The following SREBF1 variants were observed in gnomAD, a reference collection of about 807,000 sequenced individuals.
The protein encoded by SREBF1 is sterol regulatory element-binding protein 1.
A neutral mutation model predicts 100.1 loss-of-function variants in SREBF1; 45 were observed. That is an observed-to-expected ratio of 0.45 (90% CI 0.35 to 0.58). The LOEUF is 0.58. Ranked by LOEUF, SREBF1 falls within the 20% of genes least tolerant of loss-of-function variation. The pLI, the probability that SREBF1 is intolerant of heterozygous loss-of-function variation, is 0.00. For synonymous variants in SREBF1, 657 were observed against 681.8 expected (o/e 0.96, Z 0.57); for missense variants, 1,324 against 1,539.4 (o/e 0.86, Z 2.34).
intron 1 of SREBF1, among the ~76,000 whole-genome samples, chr17:17,825,438 C>A (rs2034427110): frequency 6.6e-6 from 1 of 151,954 alleles, no homozygotes; most frequent in South Asian, 2.1e-4. Flanking sequence ...GGGGTGTGAC[C>A]TGGGAACAGA....
rs575216271 is a variant in SREBF1 at position 17,813,145 on chromosome 17, T to C, written c.3214+223A>G. On this transcript the variant is annotated intron_variant, in intron 18 of 18. Transcript: ENST00000261646. ...GAAGATGCTTGGTCTTTTTTTTTTT[T>C]TGAGACAGGGACTCTCCCTGTCACT... The C allele has an allele frequency of 4.5e-5, 27 of 602,116 alleles. No homozygotes were observed. The East Asian group carries it at 5.8e-4, about 13-fold the overall frequency. The allele number at this position is 602,116 out of a possible 1,614,324, so 37.3% of individuals were successfully genotyped here.
At chr17:17,822,666 C>A (rs527794295) in intron 1 of SREBF1, among the ~76,000 whole-genome samples, 1 of 152,392 alleles carries the variant, frequency 6.6e-6, no homozygotes, top group South Asian at 2.1e-4. Context: ...CCTGAGCTCC[C>A]AGCCCTGCCC....
intron 5 of SREBF1, 89 bp from the exon 6 acceptor site, chr17:17,818,463 A>G: frequency 1.1e-6 from 1 of 912,724 alleles, no homozygotes; most frequent in Non-Finnish European, 1.8e-6. Flanking sequence ...GGGGGTGCGG[A>G]GCTGCTTTGC....
chr17:17,815,449 C>A (rs1598114175), intron 12 of SREBF1, 120 bp from the exon 13 acceptor site: 2 of 773,878 alleles, frequency 2.6e-6, no homozygotes, highest in Non-Finnish European at 4.4e-6. Flanking sequence ...TGCCGGCATG[C>A]CCCTGGGTGC....
intron 16 of SREBF1, 68 bp downstream of exon 16, chr17:17,814,177 G>A (rs997699623): frequency 1.6e-5 from 25 of 1,522,828 alleles, no homozygotes; most frequent in Non-Finnish European, 2.1e-5. Context: ...CTGGGGGCTG[G>A]GGAGAGGAAC....
intron 1 of SREBF1, among the ~76,000 whole-genome samples, chr17:17,827,072 A>G (rs1453699432): frequency 6.6e-6 from 1 of 152,182 alleles, no homozygotes; most frequent in Non-Finnish European, 1.5e-5. Context: ...GGAGGACTGA[A>G]TGATATGAGG....
chr17:17,813,617 C>T lies in SREBF1; in HGVS notation c.3054G>A (p.Leu1018=), dbSNP rs745947295. The T allele has an allele frequency of 1.9e-6, 3 of 1,587,514 alleles. No homozygotes were observed. In the South Asian group the frequency reaches 3.4e-5, roughly 18 times the overall value. ...TCTGTGCCAGCCGCCTCAGGCTGCT[C>T]AGGTCCCGTTGGAAGCCACGCAGCT... The part of the protein sequence containing the change: ...ALELRGFQRD[L]SSLRRLAQSF... The change falls in exon 17 of 19, where the codon CTG becomes CTA. Residue 1018 remains leucine (L), a synonymous_variant. Transcript: ENST00000261646.
chr17:17,813,078 A>T (rs1454567883), intron 18 of SREBF1: 13 of 601,978 alleles, frequency 2.2e-5, no homozygotes, highest in Non-Finnish European at 3.8e-5. Context: ...CAGTCACCCC[A>T]CTGATTCCTT....
In SREBF1 at chr17:17,824,794, G is replaced by A. The variant is rs772016925; in HGVS notation, c.92-4273C>T. On this transcript the variant is annotated intron_variant, in intron 1 of 18. Coordinates refer to ENST00000261646, the MANE Select transcript of SREBF1 (RefSeq NM_004176.5). The surrounding 1 kb of genome is among the most constrained non-coding windows in gnomAD (Gnocchi z 4.2). ...GTCCATTGGGGGCTGGGGTCCCTGC[G>A]GCCTCAACCTTGCTCTCTATTCAGG... is the stretch of plus-strand genomic sequence containing the variant. Among the ~76,000 whole-genome samples, 3 of 152,172 alleles carry A rather than the reference G, an allele frequency of 2.0e-5. No homozygotes were observed. The highest frequency in any genetic ancestry group is 2.4e-5 in the African/African-American group (1 of 41,422).
rs1238786783 is a variant in SREBF1, at chr17:17,812,085, A to AATT, written c.*534_*536dup. On this transcript the variant is annotated 3_prime_UTR_variant, in exon 19 of 19. Coordinates refer to ENST00000261646, the MANE Select transcript of SREBF1 (RefSeq NM_004176.5). ...AAGACACAAAACCCAGATTATAAAT[A>AATT]ATTTCATTTTTAATTCTCTGTACAA... The AATT allele has an allele frequency of 2.3e-6, 1 of 432,254 alleles. No individual in the cohort carries two copies. The highest frequency in any genetic ancestry group is 1.7e-5 in the South Asian group (1 of 59,724). The allele number at this position is 432,254 out of a possible 1,614,324, so 26.8% of individuals were successfully genotyped here.
Position 17,816,660 on chromosome 17 carries a change from G to A in SREBF1, c.1844C>T (p.Pro615Leu). The A allele has an allele frequency of 4.4e-6, 7 of 1,588,208 alleles. No homozygotes were observed. Among genetic ancestry groups the A allele is most frequent in the Non-Finnish European group, 6.0e-6 (7 of 1,168,470 alleles). The change falls in exon 10 of 19, where the codon CCC becomes CTC. Residue 615 changes from proline to leucine, a missense_variant. Pro to Leu is a moderately conservative substitution (Grantham distance 98, BLOSUM62 -3). Coordinates refer to ENST00000261646, the MANE Select transcript of SREBF1 (RefSeq NM_004176.5). Reference sequence around the variant, plus strand: ...CAGGTCCAGGTGGGAGGTGGGCAGGGGCCGGCCCAGTGCCCGCAGGGCCAG... The same window carrying A: ...CAGGTCCAGGTGGGAGGTGGGCAGGAGCCGGCCCAGTGCCCGCAGGGCCAG... ...LWLALRALGR[P>L]LPTSHLDLAC...
At chr17:17,821,180 C>T (rs544799773) in intron 1 of SREBF1, among the ~76,000 whole-genome samples, 2 of 151,242 alleles carry the variant, frequency 1.3e-5, no homozygotes, top group Admixed American at 6.6e-5. Flanking sequence ...CACACATACA[C>T]ACTGCACCGT....
Position 17,813,698 on chromosome 17 carries a change from CG to C in SREBF1, c.2972del (p.Pro991ArgfsTer28). On this transcript the variant is annotated frameshift_variant, in exon 17 of 19. Coordinates refer to ENST00000261646, the MANE Select transcript of SREBF1 (RefSeq NM_004176.5). LOFTEE classifies it high-confidence loss of function. ...TGCCCTGGGCTGCTGGGGCCGGGGCCGGGGGCTGCTGCTGCCGCCACAGGCT... is the reference window on the plus strand; with the variant it reads ...TGCCCTGGGCTGCTGGGGCCGGGGCCGGGGCTGCTGCTGCCGCCACAGGCT... ...RTSLWRQQQP[P>X]APAPAAQGTS... The C allele has an allele frequency of 6.5e-7, 1 of 1,538,954 alleles. No individual in the cohort carries two copies.
intron 13 of SREBF1, 112 bp downstream of exon 13, chr17:17,815,109 A>C (rs1257154627): frequency 4.0e-6 from 5 of 1,241,904 alleles, no homozygotes; most frequent in Non-Finnish European, 5.9e-6. Flanking sequence ...TGAAGCGTGC[A>C]TGGCACGCAC....
chr17:17,836,443 C>T (rs1013759911), intron 1 of SREBF1, among the ~76,000 whole-genome samples: 2 of 152,240 alleles, frequency 1.3e-5, no homozygotes, highest in South Asian at 2.1e-4. Context: ...GGGCGGCACC[C>T]GGCCTGGGAC....
intron 1 of SREBF1, among the ~76,000 whole-genome samples, chr17:17,829,805 C>T (rs2034743959): frequency 6.6e-6 from 1 of 152,170 alleles, no homozygotes; most frequent in Non-Finnish European, 1.5e-5. Flanking sequence ...CACACTCCAC[C>T]ATGCCAAGCT....
intron 1 of SREBF1, among the ~76,000 whole-genome samples, chr17:17,834,181 G>A (rs116542837): frequency 2.8e-3 from 421 of 152,242 alleles, no homozygotes; most frequent in African/African-American, 9.9e-3. Context: ...CAGCCTCTAA[G>A]TCCAGGCTCA....
chr17:17,831,737 C>G (rs768519238), intron 1 of SREBF1, among the ~76,000 whole-genome samples: 2 of 152,188 alleles, frequency 1.3e-5, no homozygotes, highest in Non-Finnish European at 2.9e-5. Flanking sequence ...ACTCTGAGGC[C>G]CAGAAGGAGA....
intron 1 of SREBF1, among the ~76,000 whole-genome samples, chr17:17,833,180 T>A (rs1007212435): frequency 1.3e-5 from 2 of 151,312 alleles, no homozygotes; most frequent in Admixed American, 1.3e-4. Context: ...TTCCAGAACG[T>A]TGGGAGGCCG....
Sources: allele counts gnomAD v4.1 joint callset (sites outside exome capture counted in the v4.1 genomes callset), GRCh38; gene constraint gnomAD v4.1.1; non-coding constraint Gnocchi (gnomAD v3.1); transcripts MANE v1.5; gene names NCBI Gene and HGNC (gene_info 2026-07-23, HGNC 2026-07-21).